Variants in EVI5 observed in about 807,000 individuals in gnomAD.
The protein encoded by EVI5 is ecotropic viral integration site 5 protein homolog.
A neutral mutation model predicts 112.0 loss-of-function variants in EVI5; 73 were observed. The observed-to-expected ratio is 0.65, with a 90% CI of 0.54 to 0.79. The LOEUF is 0.79. Among genes scored for constraint, EVI5 ranks in the 30% least tolerant of loss-of-function variants. The probability of loss-of-function intolerance (pLI) is 0.00; values close to 1 mark genes in which losing one functional copy is unlikely to be tolerated. For missense variants in EVI5, 900 were observed against 968.8 expected, an observed-to-expected ratio of 0.93 and a Z score of 0.94; for synonymous variants, 305 against 319.9, an observed-to-expected ratio of 0.95 and a Z score of 0.50.
chr1:92,607,385 C>T (rs988495990), intron 17 of EVI5, 196 bp downstream of exon 17: 5 of 419,850 alleles, frequency 1.2e-5, no homozygotes, highest in Non-Finnish European at 2.1e-5. Context: ...GAAAATGTTT[C>T]TTGACTAAAA....
chr1:92,781,397 C>T (rs1163944328), intron 1 of EVI5, among the ~76,000 whole-genome samples: 2 of 151,606 alleles, frequency 1.3e-5, no homozygotes, highest in African/African-American at 2.4e-5. Context: ...GTCGTAGTCA[C>T]AGCTACTCAG....
rs1455152178 is a variant in EVI5, at chr1:92,752,085, T to C, written c.-81-15458A>G. ...TTGTCTTTTGCTTCCAGTATTCTTGTTGAAGAGCCTGTAACTACTCTAATT... is the reference window on the plus strand; with the variant it reads ...TTGTCTTTTGCTTCCAGTATTCTTGCTGAAGAGCCTGTAACTACTCTAATT... On this transcript the variant is annotated intron_variant, in intron 1 of 19. Coordinates refer to ENST00000684568, the MANE Select transcript of EVI5 (RefSeq NM_001350197.2). Among the ~76,000 whole-genome samples the C allele has an allele frequency of 2.6e-5, 4 of 152,204 alleles. No individual in the cohort carries two copies. The East Asian group carries it at 5.8e-4, about 22-fold the overall frequency.
chr1:92,718,686 T>C (rs1176127893), intron 2 of EVI5, among the ~76,000 whole-genome samples: 1 of 151,644 alleles, frequency 6.6e-6, no homozygotes, highest in Non-Finnish European at 1.5e-5. Flanking sequence ...AAGAAATAAC[T>C]AAGAACAGAG....
chr1:92,714,407 G>GT (rs1292009535), intron 2 of EVI5, among the ~76,000 whole-genome samples: 1 of 152,156 alleles, frequency 6.6e-6, no homozygotes, highest in African/African-American at 2.4e-5. Flanking sequence ...GCTACAAAGT[G>GT]TAAGTTGTAT....
intron 13 of EVI5, among the ~76,000 whole-genome samples, chr1:92,642,926 T>C (rs567155622): frequency 6.6e-6 from 1 of 152,320 alleles, no homozygotes; most frequent in East Asian, 1.9e-4. Flanking sequence ...TAAAAATACC[T>C]GAATGGTAAG....
intron 9 of EVI5, among the ~76,000 whole-genome samples, chr1:92,682,295 G>T (rs1667724545): frequency 6.6e-6 from 1 of 152,114 alleles, no homozygotes; most frequent in Non-Finnish European, 1.5e-5. Context: ...TGCGTGCCCT[G>T]TCTAAAAGAG....
At chr1:92,550,291 G>T (rs1666574294) in intron 19 of EVI5, among the ~76,000 whole-genome samples, 2 of 142,046 alleles carry the variant, frequency 1.4e-5, no homozygotes, top group Admixed American at 7.6e-5. Flanking sequence ...GGTGGGAACT[G>T]AACAATGAGA....
At chr1:92,611,646 C>T (rs532166408) in intron 16 of EVI5, among the ~76,000 whole-genome samples, 20 of 144,018 alleles carry the variant, frequency 1.4e-4, no homozygotes, top group African/African-American at 5.2e-4. Context: ...TTGCAGTGAG[C>T]CAAGATTGCG....
intron 16 of EVI5, among the ~76,000 whole-genome samples, chr1:92,619,890 C>T (rs985066688): frequency 9.9e-5 from 15 of 151,822 alleles, no homozygotes; most frequent in African/African-American, 2.2e-4. Context: ...AATAATTTGT[C>T]GGTAAAAATG....
At chr1:92,658,179 A>C (rs1663337436) in intron 13 of EVI5, among the ~76,000 whole-genome samples, 2 of 152,252 alleles carry the variant, frequency 1.3e-5, no homozygotes, top group South Asian at 4.1e-4. Flanking sequence ...ATCTGGAACA[A>C]GACAAGGATG....
chr1:92,584,824 G>T (rs1672524296), intron 18 of EVI5, among the ~76,000 whole-genome samples: 1 of 152,090 alleles, frequency 6.6e-6, no homozygotes, highest in Admixed American at 6.5e-5. Flanking sequence ...AGGGATAAAA[G>T]AAATCAAATA....
intron 1 of EVI5, among the ~76,000 whole-genome samples, chr1:92,760,891 CTA>C (rs1681736258): frequency 6.6e-6 from 1 of 151,758 alleles, no homozygotes. Flanking sequence ...CCCATCTCTA[CTA>C]AAAAAATACA....
At chr1:92,756,761 C>A (rs1221413166) in intron 1 of EVI5, 2 of 503,620 alleles carry the variant, frequency 4.0e-6, no homozygotes, top group South Asian at 1.5e-5. Context: ...ACTATGCACG[C>A]CTCATCTTAC....
rs558644011 is a variant in EVI5 at position 92,518,240 on chromosome 1, A to G, written c.2167-4270T>C. On this transcript the variant is annotated intron_variant, in intron 19 of 19. Coordinates refer to ENST00000684568, the MANE Select transcript of EVI5 (RefSeq NM_001350197.2). Reference sequence around the variant, plus strand: ...GCCCATTGTCTTTCCTAATTTTTGAATACATACTACATGAGTATCTTCAAA... The same window carrying G: ...GCCCATTGTCTTTCCTAATTTTTGAGTACATACTACATGAGTATCTTCAAA... Among the ~76,000 whole-genome samples the G allele has an allele frequency of 2.6e-5, 4 of 152,268 alleles. No individual in the cohort carries two copies. The East Asian group carries it at 5.8e-4, about 22-fold the overall frequency.
intron 18 of EVI5, among the ~76,000 whole-genome samples, chr1:92,570,033 T>C (rs1375262851): frequency 1.3e-5 from 2 of 151,054 alleles, no homozygotes; most frequent in Non-Finnish European, 2.9e-5. Context: ...ACCCTCAAAG[T>C]GGAAAAGGAT....
chr1:92,792,327 T>C, intron 1 of EVI5: 2 of 1,539,534 alleles, frequency 1.3e-6, no homozygotes, highest in Non-Finnish European at 1.8e-6. Flanking sequence ...AAATCAAACA[T>C]CGTTTTACAC....
At chr1:92,673,554 A>C (rs1317787032) in intron 10 of EVI5, among the ~76,000 whole-genome samples, 1 of 151,908 alleles carries the variant, frequency 6.6e-6, no homozygotes, top group Non-Finnish European at 1.5e-5. Context: ...CTGGTCTCAA[A>C]CTCCTGGGCT....
chr1:92,673,661 T>C (rs2102286807), intron 10 of EVI5, among the ~76,000 whole-genome samples: 1 of 152,150 alleles, frequency 6.6e-6, no homozygotes, highest in African/African-American at 2.4e-5. Flanking sequence ...TTTCACCTCC[T>C]CCCAATCAGG....
chr1:92,662,369 A>T (rs774072585), intron 13 of EVI5, among the ~76,000 whole-genome samples: 2 of 152,234 alleles, frequency 1.3e-5, no homozygotes, highest in Non-Finnish European at 2.9e-5. Context: ...GTTGGGATTT[A>T]AAAATTACTG....
Sources: gnomAD v4.1 joint callset for allele counts (sites outside exome capture counted in the v4.1 genomes callset) on GRCh38, gnomAD v4.1.1 for gene constraint, MANE v1.5 for transcripts, NCBI Gene and HGNC (gene_info 2026-07-23, HGNC 2026-07-21) for gene names.